ZFHX3: variants seen among roughly 807,000 people sequenced by gnomAD.
ZFHX3 encodes the protein zinc finger homeobox protein 3.
ZFHX3 carries 42 observed loss-of-function variants against 279.1 expected under a neutral mutation model. The ratio of observed to expected loss-of-function variants is 0.15; its 90% CI spans 0.12 to 0.19. The LOEUF is 0.19. ZFHX3 is among the 10% of genes least tolerant of loss of function. ZFHX3 has a pLI of 1.00. For missense variants in ZFHX3, 4,981 were observed against 4,754.0 expected (o/e 1.05, Z -1.40); for synonymous variants, 2,293 against 1,957.8 (o/e 1.17, Z -4.52).
chr16:73,002,147 C>T (rs541853634), intron 1 of ZFHX3, among the ~76,000 whole-genome samples: 2 of 152,274 alleles, frequency 1.3e-5, no homozygotes, highest in East Asian at 3.9e-4. Context: ...GACCCACAGC[C>T]ATAAAGTAAC....
intron 4 of ZFHX3, among the ~76,000 whole-genome samples, chr16:73,301,664 A>G (rs2015058395): frequency 6.6e-6 from 1 of 152,212 alleles, no homozygotes; most frequent in Admixed American, 6.5e-5. Flanking sequence ...ATACCAAGAA[A>G]GAGAGAAAGA....
intron 1 of ZFHX3, among the ~76,000 whole-genome samples, chr16:72,998,449 T>C (rs1045960288): frequency 1.3e-5 from 2 of 152,292 alleles, no homozygotes; most frequent in East Asian, 3.9e-4. Flanking sequence ...GTGAAATTCA[T>C]TGTAATATGT....
intron 8 of ZFHX3, among the ~76,000 whole-genome samples, chr16:73,086,927 C>G (rs1395406929): frequency 6.6e-6 from 1 of 151,620 alleles, no homozygotes; most frequent in African/African-American, 2.4e-5. Context: ...AACAGAAAAC[C>G]AAAACCACAA....
At chr16:73,725,540 A>AGTGAGTGTGTGT (rs147139764) in intron 1 of ZFHX3, among the ~76,000 whole-genome samples, 10 of 148,358 alleles carry the variant, frequency 6.7e-5, no homozygotes, top group Non-Finnish European at 7.5e-5. Context: ...AGTGTGAGTG[A>AGTGAGTGTGTGT]GTGTGTGTGT....
chr16:72,812,207 A>T (rs977905527), intron 5 of ZFHX3, among the ~76,000 whole-genome samples, 169 bp from the exon 6 acceptor site: 7 of 152,238 alleles, frequency 4.6e-5, no homozygotes, highest in Non-Finnish European at 1.0e-4. Flanking sequence ...TTGGAAAAGA[A>T]GCAAGTGTTT....
intron 5 of ZFHX3, among the ~76,000 whole-genome samples, chr16:73,157,464 G>GGAAAAAAAAAAA (rs554099254): frequency 9.1e-5 from 2 of 22,034 alleles, no homozygotes; most frequent in Non-Finnish European, 1.4e-4. Flanking sequence ...GGAATGTTTG[G>GGAAAAAAAAAAA]TAAAAAAAAA....
intron 4 of ZFHX3, among the ~76,000 whole-genome samples, chr16:72,886,933 T>C (rs1239603606): frequency 6.6e-6 from 1 of 152,140 alleles, no homozygotes; most frequent in East Asian, 1.9e-4. Flanking sequence ...CCAATTAAGG[T>C]GTTTCAACTT....
chr16:72,904,643 T>C (rs2039125344), intron 3 of ZFHX3, among the ~76,000 whole-genome samples: 2 of 152,126 alleles, frequency 1.3e-5, no homozygotes, highest in Non-Finnish European at 1.5e-5. Flanking sequence ...GTGCCTTTTC[T>C]TGCTGGGAAA....
At chr16:73,386,792 T>G (rs890276521) in intron 3 of ZFHX3, 2 of 150,816 alleles carry the variant, frequency 1.3e-5, no homozygotes, top group African/African-American at 4.9e-5. Flanking sequence ...AGTTGCTGAG[T>G]GACAATCAGG....
chr16:72,919,824 C>T (rs1361763084), intron 3 of ZFHX3, among the ~76,000 whole-genome samples: 5 of 85,546 alleles, frequency 5.8e-5, no homozygotes, highest in East Asian at 4.4e-4. Context: ...CAGAGTTCTT[C>T]ACTCTGTTGC....
intron 2 of ZFHX3, among the ~76,000 whole-genome samples, chr16:73,608,267 G>GACCCACCCCCC (rs2052210945): frequency 6.6e-6 from 1 of 152,156 alleles, no homozygotes; most frequent in South Asian, 2.1e-4. Flanking sequence ...CTTTCTTGAA[G>GACCCACCCCCC]CTGGTCCCAT....
chr16:73,043,257 C>T (rs1965179814), intron 1 of ZFHX3, among the ~76,000 whole-genome samples: 1 of 152,206 alleles, frequency 6.6e-6, no homozygotes, highest in South Asian at 2.1e-4. Flanking sequence ...ACCCCCCACA[C>T]AGTAATCCTC....
At chr16:73,835,027 T>C (rs2142362331) in intron 1 of ZFHX3, among the ~76,000 whole-genome samples, 1 of 152,276 alleles carries the variant, frequency 6.6e-6, no homozygotes, top group Non-Finnish European at 1.5e-5. Flanking sequence ...TGGAGGAAGG[T>C]GGCCCTCGGA....
intron 1 of ZFHX3, among the ~76,000 whole-genome samples, chr16:73,738,399 T>G (rs183311461): frequency 6.6e-6 from 1 of 152,226 alleles, no homozygotes; most frequent in Admixed American, 6.5e-5. Context: ...AGCCTGACAC[T>G]GAAGGATCAT....
chr16:73,606,902 G>A (rs1401375668), intron 2 of ZFHX3, among the ~76,000 whole-genome samples: 3 of 152,072 alleles, frequency 2.0e-5, no homozygotes, highest in Non-Finnish European at 2.9e-5. Flanking sequence ...TCCCTGCAAA[G>A]GATAAGAACT....
chr16:72,802,738 T>G (rs375416866), intron 7 of ZFHX3, among the ~76,000 whole-genome samples: 1 of 152,156 alleles, frequency 6.6e-6, no homozygotes, highest in Admixed American at 6.5e-5. Context: ...GAGGGCCCCA[T>G]GTCAGTTCTC....
chr16:73,278,933 T>C (rs1034455968), intron 4 of ZFHX3, among the ~76,000 whole-genome samples: 6 of 152,252 alleles, frequency 3.9e-5, no homozygotes, highest in Non-Finnish European at 8.8e-5. Flanking sequence ...GAAGTCCAGC[T>C]GGCTTCACCT....
chr16:72,843,505 A>G (rs1317349761), intron 4 of ZFHX3, among the ~76,000 whole-genome samples: 1 of 131,756 alleles, frequency 7.6e-6, no homozygotes, highest in Non-Finnish European at 1.6e-5. Flanking sequence ...ACAGAGCGAG[A>G]CTCCGTCTAA....
At chr16:72,831,841 G>T (rs1386386795) in intron 4 of ZFHX3, among the ~76,000 whole-genome samples, 1 of 152,108 alleles carries the variant, frequency 6.6e-6, no homozygotes, top group Non-Finnish European at 1.5e-5. Flanking sequence ...CTGTAGTGTT[G>T]ATACATTTAT....
Sources: gnomAD v4.1 joint callset for allele counts (sites outside exome capture counted in the v4.1 genomes callset) on GRCh38, gnomAD v4.1.1 for gene constraint, MANE v1.5 for transcripts, NCBI Gene and HGNC (gene_info 2026-07-23, HGNC 2026-07-21) for gene names.